The following ARHGEF6 variants were observed in gnomAD, a reference collection of about 807,000 sequenced individuals.
The protein encoded by ARHGEF6 is rho guanine nucleotide exchange factor 6.
A neutral mutation model predicts 70.3 loss-of-function variants in ARHGEF6; 9 were observed. That is an observed-to-expected ratio of 0.13 (90% CI 0.08 to 0.22). ARHGEF6 has a LOEUF of 0.22. Ranked by LOEUF, ARHGEF6 falls within the 10% of genes least tolerant of loss-of-function variation. The pLI, the probability that ARHGEF6 is intolerant of heterozygous loss-of-function variation, is 1.00. For missense variants in ARHGEF6, 470 were observed against 563.0 expected (o/e 0.83, Z 1.67); for synonymous variants, 201 against 207.8 (o/e 0.97, Z 0.28).
At chrX:136,769,807 G>A (rs1462278588) in intron 2 of ARHGEF6, among the ~76,000 whole-genome samples, 1 of 112,086 alleles carries the variant, frequency 8.9e-6, no homozygotes. Context: ...ATATATTCTG[G>A]AAACTTCACT....
intron 2 of ARHGEF6, among the ~76,000 whole-genome samples, chrX:136,768,996 G>A (rs1046578624): frequency 4.6e-5 from 5 of 108,181 alleles, no homozygotes; most frequent in African/African-American, 1.4e-4. Context: ...GGGAGAGAGA[G>A]TAAGAGAGGG....
intron 6 of ARHGEF6, among the ~76,000 whole-genome samples, chrX:136,729,586 C>A (rs1427184219): frequency 9.3e-6 from 1 of 107,144 alleles, no homozygotes; most frequent in Non-Finnish European, 1.9e-5. Context: ...AATCCCAGCA[C>A]TTTCGGAGGC....
At chrX:136,686,441 A>G (rs1268891688) in intron 11 of ARHGEF6, among the ~76,000 whole-genome samples, 2 of 106,718 alleles carry the variant, frequency 1.9e-5, no homozygotes, top group African/African-American at 3.4e-5. Context: ...AAAAATACTA[A>G]ATTAGTTTTT....
chrX:136,765,053 G>A (rs1490171122), intron 2 of ARHGEF6, among the ~76,000 whole-genome samples: 2 of 111,789 alleles, frequency 1.8e-5, no homozygotes, highest in Admixed American at 9.5e-5. Context: ...ATTACATTCC[G>A]GTTCTTCTTT....
At chrX:136,757,847 T>C (rs772090329) in intron 2 of ARHGEF6, among the ~76,000 whole-genome samples, 2 of 111,146 alleles carry the variant, frequency 1.8e-5, no homozygotes, top group Admixed American at 1.9e-4. Context: ...TTGGACAAGT[T>C]CTTGCTAAGT....
chrX:136,754,591 A>G (rs1478933389), intron 2 of ARHGEF6, among the ~76,000 whole-genome samples: 2 of 101,479 alleles, frequency 2.0e-5, no homozygotes, highest in Non-Finnish European at 2.0e-5. Flanking sequence ...TCAAAAAAAA[A>G]AAAAACAACG....
intron 6 of ARHGEF6, among the ~76,000 whole-genome samples, chrX:136,714,237 C>T (rs2076715290): frequency 9.0e-6 from 1 of 111,474 alleles, no homozygotes; most frequent in Non-Finnish European, 1.9e-5. Flanking sequence ...AGGGTCATGT[C>T]ACAACCCATT....
intron 1 of ARHGEF6, among the ~76,000 whole-genome samples, chrX:136,780,442 G>C (rs1274680491): frequency 1.1e-4 from 12 of 111,705 alleles, no homozygotes; most frequent in Non-Finnish European, 2.1e-4. Context: ...CTCCATGATA[G>C]AGCAAGCTTG....
chrX:136,755,230 C>G (rs1051048658), intron 2 of ARHGEF6, among the ~76,000 whole-genome samples: 1 of 111,885 alleles, frequency 8.9e-6, no homozygotes, highest in Non-Finnish European at 1.9e-5. Flanking sequence ...ACATGTGTTC[C>G]CAAATCAATG....
chrX:136,705,593 A>C (rs955620869), intron 9 of ARHGEF6, among the ~76,000 whole-genome samples: 1 of 111,820 alleles, frequency 8.9e-6, no homozygotes, highest in Admixed American at 9.5e-5. Flanking sequence ...TAACTCCCTC[A>C]TAGGCTTTTA....
intron 9 of ARHGEF6, 104 bp from the exon 10 acceptor site, chrX:136,690,852 A>C (rs1603337875): frequency 1.0e-6 from 1 of 962,261 alleles, no homozygotes; most frequent in Admixed American, 2.5e-5. Context: ...AAAGCCAAAT[A>C]AAAATGTGTT....
chrX:136,713,611 A>C (rs954511868), intron 6 of ARHGEF6, among the ~76,000 whole-genome samples: 17 of 111,922 alleles, frequency 1.5e-4, no homozygotes, highest in Admixed American at 1.4e-3. Flanking sequence ...GTTGCCCATA[A>C]CTGAAGGGGC....
rs189922553 is a variant in ARHGEF6, at chrX:136,699,542, T to C, written c.1046+7366A>G. On this transcript the variant is annotated intron_variant, in intron 9 of 21. Coordinates refer to ENST00000250617, the MANE Select transcript of ARHGEF6 (RefSeq NM_004840.3). ...TGAACAAACTGAAAATCAATGACTTTTGTTAGATTTACTGAGAATTGAGAT... is the reference window on the plus strand; with the variant it reads ...TGAACAAACTGAAAATCAATGACTTCTGTTAGATTTACTGAGAATTGAGAT... Among the ~76,000 whole-genome samples, 482 of 111,704 alleles carry C rather than the reference T, an allele frequency of 4.3e-3. 4 individuals are homozygous for C. Among genetic ancestry groups the C allele is most frequent in the African/African-American group, 0.015 (454 of 30,802 alleles).
In ARHGEF6 at chrX:136,696,445, C is replaced by A. The variant is rs5975772; in HGVS notation, c.1047-5697G>T. On this transcript the variant is annotated intron_variant, in intron 9 of 21. Transcript: ENST00000250617. ...AGACTCTGGTCAACATAGTGAAAGC[C>A]CTGTCTCTATAATTTTTTTATAATT... Among the ~76,000 whole-genome samples the A allele has an allele frequency of 9.2e-3, 1,012 of 109,854 alleles. 10 individuals are homozygous for A. The highest frequency in any genetic ancestry group is 0.032 in the African/African-American group (962 of 30,112).
Position 136,727,323 on chromosome X carries a change from CTTTTTCTTTCTTTCTTTCTTTCTT to C in ARHGEF6, c.732+4755_732+4778del, listed in dbSNP as rs1216577617. Among the ~76,000 whole-genome samples the C allele has an allele frequency of 8.6e-4, 65 of 75,648 alleles. 1 individual carries two copies. Among genetic ancestry groups the C allele is most frequent in the African/African-American group, 3.7e-3 (60 of 16,222 alleles). 65.7% of individuals were successfully genotyped at this position (75,648 alleles called of 115,157 possible). On this transcript the variant is annotated intron_variant, in intron 6 of 21. Coordinates refer to ENST00000250617, the MANE Select transcript of ARHGEF6 (RefSeq NM_004840.3). ...GTCTGTAGTCTTTCTTTCTTTCTTTCTTTTTCTTTCTTTCTTTCTTTCTTTCTTTCTTTCTTTCTTTCTTTCTTT... is the reference window on the plus strand; with the variant it reads ...GTCTGTAGTCTTTCTTTCTTTCTTTCTCTTTCTTTCTTTCTTTCTTTCTTT...
chrX:136,727,325 T>C (rs758171664), intron 6 of ARHGEF6, among the ~76,000 whole-genome samples: 10 of 61,114 alleles, frequency 1.6e-4, no homozygotes, highest in African/African-American at 3.6e-4. Context: ...CTTTCTTTCT[T>C]TTTCTTTCTT....
intron 6 of ARHGEF6, among the ~76,000 whole-genome samples, chrX:136,721,544 C>T (rs2076797771): frequency 9.0e-6 from 1 of 111,404 alleles, no homozygotes; most frequent in South Asian, 3.8e-4. Flanking sequence ...GTCTGAGTGA[C>T]AGAGCAAGAC....
At chrX:136,755,801 T>C (rs7063076) in intron 2 of ARHGEF6, among the ~76,000 whole-genome samples, 1,483 of 112,041 alleles carry the variant, frequency 0.013, 34 homozygotes, top group African/African-American at 0.046. Context: ...CTGAGATTAG[T>C]CCTGAATTTC....
At chrX:136,733,228 T>C (rs1269963513) in intron 5 of ARHGEF6, among the ~76,000 whole-genome samples, 1 of 111,535 alleles carries the variant, frequency 9.0e-6, no homozygotes, top group African/African-American at 3.2e-5. Flanking sequence ...CTGCTTCACT[T>C]TGGTTTATAT....
Sources: allele counts gnomAD v4.1 joint callset (sites outside exome capture counted in the v4.1 genomes callset), GRCh38; gene constraint gnomAD v4.1.1; transcripts MANE v1.5; gene names NCBI Gene and HGNC (gene_info 2026-07-23, HGNC 2026-07-21).